The following ARHGAP15 variants were observed in gnomAD, a reference collection of about 807,000 sequenced individuals.
ARHGAP15 encodes rho GTPase-activating protein 15.
In ARHGAP15, 51 loss-of-function variants were observed where a neutral mutation model predicts 63.7. That is an observed-to-expected ratio of 0.80 (90% CI 0.64 to 1.01). The LOEUF (loss-of-function observed/expected upper bound fraction) is 1.01, where lower values mean the gene tolerates loss of function less well. Ranked by LOEUF, ARHGAP15 falls within the 50% of genes least tolerant of loss-of-function variation. The pLI is 0.00. For missense variants in ARHGAP15, 560 were observed against 564.6 expected, an observed-to-expected ratio of 0.99 and a Z score of 0.08; for synonymous variants, 191 against 193.8, an observed-to-expected ratio of 0.99 and a Z score of 0.12.
chr2:143,131,163 T>G (rs1218983257), intron 1 of ARHGAP15, among the ~76,000 whole-genome samples: 1 of 152,176 alleles, frequency 6.6e-6, no homozygotes. Context: ...AAATTAAGAA[T>G]GAATTGAAGA....
intron 6 of ARHGAP15, among the ~76,000 whole-genome samples, chr2:143,382,072 C>T (rs369479320): frequency 7.8e-6 from 1 of 128,560 alleles, no homozygotes; most frequent in Non-Finnish European, 1.7e-5. Flanking sequence ...TTCCTTCCTT[C>T]CTTCCTTCCT....
chr2:143,223,011 C>G (rs901696524), intron 4 of ARHGAP15, among the ~76,000 whole-genome samples: 2 of 152,114 alleles, frequency 1.3e-5, no homozygotes, highest in African/African-American at 2.4e-5. Context: ...GAGTCTCGCT[C>G]TGTCACCCAG....
At chr2:143,635,110 T>G (rs1455351245) in intron 12 of ARHGAP15, among the ~76,000 whole-genome samples, 1 of 150,894 alleles carries the variant, frequency 6.6e-6, no homozygotes, top group African/African-American at 2.4e-5. Context: ...TTCTTTCAGT[T>G]GCCACACAAT....
chr2:143,729,953 A>T lies in ARHGAP15; in HGVS notation c.1244+26429A>T, dbSNP rs150399149. On this transcript the variant is annotated intron_variant, in intron 13 of 13. Transcript: ENST00000295095. ...AATCATAAATAAGTATGTGTTCTAGAAAGTGGGGTAAGACCACAGAGGAGT... is the reference window on the plus strand; with the variant it reads ...AATCATAAATAAGTATGTGTTCTAGTAAGTGGGGTAAGACCACAGAGGAGT... Among the ~76,000 whole-genome samples, 811 of 152,320 alleles carry T rather than the reference A, an allele frequency of 5.3e-3. 6 individuals are homozygous for T. Among genetic ancestry groups the T allele is most frequent in the African/African-American group, 0.018 (759 of 41,570 alleles).
At chr2:143,445,862 C>A (rs61145597) in intron 8 of ARHGAP15, among the ~76,000 whole-genome samples, 13,655 of 152,082 alleles carry the variant, frequency 0.09, 735 homozygotes, top group African/African-American at 0.15. Context: ...AAAAGAAACT[C>A]TGTAATATAT....
At chr2:143,578,749 A>G (rs1028707927) in intron 11 of ARHGAP15, among the ~76,000 whole-genome samples, 1 of 152,214 alleles carries the variant, frequency 6.6e-6, no homozygotes, top group East Asian at 1.9e-4. Flanking sequence ...CAGTTTAAAA[A>G]TTGAATAAAT....
intron 1 of ARHGAP15, among the ~76,000 whole-genome samples, chr2:143,142,472 G>A (rs1335469274): frequency 6.6e-6 from 1 of 151,948 alleles, no homozygotes; most frequent in Non-Finnish European, 1.5e-5. Flanking sequence ...TTCTTCTGCT[G>A]CCAACCCTCC....
intron 12 of ARHGAP15, among the ~76,000 whole-genome samples, chr2:143,686,254 A>G (rs1432356633): frequency 6.7e-6 from 1 of 149,248 alleles, no homozygotes; most frequent in African/African-American, 2.5e-5. Flanking sequence ...AAAAATACAA[A>G]AATTAGCTGG....
chr2:143,145,234 C>T lies in ARHGAP15; in HGVS notation c.-14-10243C>T, dbSNP rs73962345. Among the ~76,000 whole-genome samples the T allele has an allele frequency of 2.5e-3, 380 of 152,130 alleles. 2 individuals carry two copies. The highest frequency in any genetic ancestry group is 8.4e-3 in the African/African-American group (347 of 41,534). On this transcript the variant is annotated intron_variant, in intron 1 of 13. Coordinates refer to ENST00000295095, the MANE Select transcript of ARHGAP15 (RefSeq NM_018460.4). The stretch of plus-strand genomic sequence containing the variant: ...GTGGAATGGGGTTTTGTGGATTCAA[C>T]AATAAATTATAATGAGTGATCTCAT...
intron 13 of ARHGAP15, among the ~76,000 whole-genome samples, chr2:143,723,885 C>T (rs1208908727): frequency 6.6e-6 from 1 of 152,114 alleles, no homozygotes; most frequent in African/African-American, 2.4e-5. Flanking sequence ...TGTGGGTGGA[C>T]AGTGCTGTGT....
chr2:143,386,838 TA>T (rs1323023610), intron 6 of ARHGAP15, among the ~76,000 whole-genome samples: 1 of 138,946 alleles, frequency 7.2e-6, no homozygotes. Context: ...GTTGGTTGTT[TA>T]TTTTTTTTTT....
chr2:143,541,853 G>A (rs372507355), intron 10 of ARHGAP15, among the ~76,000 whole-genome samples: 188 of 152,316 alleles, frequency 1.2e-3, no homozygotes, highest in African/African-American at 4.2e-3. Flanking sequence ...CAGTCTGCCC[G>A]TTCTCAGATC....
intron 2 of ARHGAP15, among the ~76,000 whole-genome samples, chr2:143,185,195 C>T (rs1351116375): frequency 6.6e-6 from 1 of 152,074 alleles, no homozygotes; most frequent in African/African-American, 2.4e-5. Flanking sequence ...TATCCCATGC[C>T]TGCTATGTAC....
At chr2:143,699,571 C>T (rs910564536) in intron 12 of ARHGAP15, among the ~76,000 whole-genome samples, 4 of 152,196 alleles carry the variant, frequency 2.6e-5, no homozygotes, top group African/African-American at 9.7e-5. Context: ...AACTGACCTG[C>T]TCACCAATCA....
chr2:143,346,624 G>C (rs1018032101), intron 6 of ARHGAP15, among the ~76,000 whole-genome samples: 4 of 152,084 alleles, frequency 2.6e-5, no homozygotes, highest in Non-Finnish European at 4.4e-5. Context: ...ATATACAGCA[G>C]ATCAAAAAGA....
At chr2:143,200,537 A>C (rs1224385817) in intron 2 of ARHGAP15, among the ~76,000 whole-genome samples, 2 of 151,690 alleles carry the variant, frequency 1.3e-5, no homozygotes, top group Non-Finnish European at 2.9e-5. Context: ...TCTTACACTT[A>C]TCTCTCTTTC....
chr2:143,325,965 G>A lies in ARHGAP15; in HGVS notation c.474+75365G>A, dbSNP rs147057967. On this transcript the variant is annotated intron_variant, in intron 6 of 13. Coordinates refer to ENST00000295095, the MANE Select transcript of ARHGAP15 (RefSeq NM_018460.4). ...GCCCACACTGATCTTCATGGTCCCC[G>A]AAAATTCCACACTATTTTGCACTTT... Among the ~76,000 whole-genome samples, 191 of 152,166 alleles carry A rather than the reference G, an allele frequency of 1.3e-3. 2 individuals carry two copies. Among genetic ancestry groups the A allele is most frequent in the African/African-American group, 4.4e-3 (184 of 41,534 alleles).
chr2:143,545,163 G>A (rs559262675), intron 10 of ARHGAP15, among the ~76,000 whole-genome samples: 7 of 152,216 alleles, frequency 4.6e-5, no homozygotes, highest in Non-Finnish European at 7.4e-5. Context: ...TTGCTTTTAC[G>A]AACTCACTTG....
At chr2:143,750,188 C>T (rs184756862) in intron 13 of ARHGAP15, among the ~76,000 whole-genome samples, 1 of 152,248 alleles carries the variant, frequency 6.6e-6, no homozygotes, top group East Asian at 1.9e-4. Context: ...ACCTATGATC[C>T]CAGCACTTTG....
Sources: allele counts gnomAD v4.1 joint callset (sites outside exome capture counted in the v4.1 genomes callset), GRCh38; gene constraint gnomAD v4.1.1; transcripts MANE v1.5; gene names NCBI Gene and HGNC (gene_info 2026-07-23, HGNC 2026-07-21).